Variants in TPPP observed in about 807,000 individuals in gnomAD.
The protein encoded by TPPP is tubulin polymerization-promoting protein.
Under a neutral mutation model 15.5 loss-of-function variants are expected in TPPP, and 6 were observed. The ratio of observed to expected loss-of-function variants is 0.39; its 90% confidence interval spans 0.21 to 0.77. The LOEUF (loss-of-function observed/expected upper bound fraction) is 0.77. TPPP is among the 30% of genes least tolerant of loss of function. The probability of loss-of-function intolerance (pLI) is 0.42; values close to 1 mark genes in which losing one functional copy is unlikely to be tolerated. For missense variants in TPPP, 269 were observed against 307.2 expected, an observed-to-expected ratio of 0.88 and a Z score of 0.93; for synonymous variants, 146 against 133.9, an observed-to-expected ratio of 1.09 and a Z score of -0.63.
At chr5:696,981 T>C (rs1182207551), upstream of TPPP, among the ~76,000 whole-genome samples, 5 of 146,878 alleles carry the variant, frequency 3.4e-5, no homozygotes, top group African/African-American at 1.2e-4. Context: ...TGTTTGCATG[T>C]GTGTGCATGT....
chr5:694,244 G>A (rs1321628360), upstream of TPPP, among the ~76,000 whole-genome samples: 2 of 151,750 alleles, frequency 1.3e-5, no homozygotes, highest in Non-Finnish European at 2.9e-5. Context: ...CAAGGTTCCG[G>A]GGCCGAGATG....
chr5:699,153 G>A, the TPPP span, among the ~76,000 whole-genome samples: 1 of 151,882 alleles, frequency 6.6e-6, no homozygotes, highest in South Asian at 2.1e-4. Context: ...AATTCACATG[G>A]AACCCAAAAA....
chr5:686,104 C>G (rs1222778587), intron 1 of TPPP, among the ~76,000 whole-genome samples: 1 of 152,196 alleles, frequency 6.6e-6, no homozygotes, highest in Non-Finnish European at 1.5e-5. Flanking sequence ...ACATGCCCAG[C>G]CAGTGCCCAC....
chr5:682,571 A>G (rs867002958), intron 1 of TPPP, among the ~76,000 whole-genome samples: 1 of 132,490 alleles, frequency 7.5e-6, no homozygotes, highest in Non-Finnish European at 1.6e-5. Flanking sequence ...CACTAGGGCC[A>G]GGGGTCTGCC....
At chr5:673,556 G>A (rs1026069559) in intron 2 of TPPP, among the ~76,000 whole-genome samples, 1 of 152,102 alleles carries the variant, frequency 6.6e-6, no homozygotes, top group East Asian at 1.9e-4. Context: ...TCTCCCACAC[G>A]GCGCCCACTC....
In TPPP at chr5:682,872, T is replaced by C. The variant is rs371678660; in HGVS notation, c.-4-4808A>G. 2.7e-3 allele frequency among the ~76,000 whole-genome samples: 413 copies of C among 152,316 alleles called. 1 individual carries two copies. The highest frequency in any genetic ancestry group is 7.8e-3 in the African/African-American group (325 of 41,564). On this transcript the variant is annotated intron_variant, in intron 1 of 3. Transcript: ENST00000360578. ...GCTGTGCTCACATCATCAGCAGTGC[T>C]GGGTCAAAGCTGGAGGCAGGAGCCA...
intron 1 of TPPP, among the ~76,000 whole-genome samples, chr5:683,062 CA>C (rs1740670053): frequency 6.6e-6 from 1 of 150,892 alleles, no homozygotes; most frequent in Admixed American, 6.6e-5. Context: ...TGGACCAGGC[CA>C]GGGTGTGACC....
intron 1 of TPPP, among the ~76,000 whole-genome samples, chr5:679,045 G>A (rs1740542852): frequency 6.6e-6 from 1 of 152,178 alleles, no homozygotes; most frequent in South Asian, 2.1e-4. Context: ...AGCTGAACAT[G>A]GCCTCTGCCC....
At chr5:670,276 C>T (rs1740167802) in intron 2 of TPPP, among the ~76,000 whole-genome samples, 2 of 152,144 alleles carry the variant, frequency 1.3e-5, no homozygotes, top group Admixed American at 1.3e-4. Flanking sequence ...CCCATGGTGC[C>T]CTCTCTGAGG....
chr5:663,684 G>A lies in TPPP; in HGVS notation c.*1418C>T, dbSNP rs1186184896. The A allele has an allele frequency of 1.3e-5, 2 of 152,392 alleles. No homozygotes were observed. Among genetic ancestry groups the A allele is most frequent in the Non-Finnish European group, 2.9e-5 (2 of 68,098 alleles). The allele number at this position is 152,392 out of a possible 1,614,324, so 9.4% of individuals were successfully genotyped here. ...GAGGGAGGGGCCTCGCCACCCTCCT[G>A]TACTGTGAGCCTGGCCCTGGGCAGC... On this transcript the variant is annotated 3_prime_UTR_variant, in exon 4 of 4. Coordinates refer to ENST00000360578, the MANE Select transcript of TPPP (RefSeq NM_007030.3).
chr5:700,260 C>T, the TPPP span, among the ~76,000 whole-genome samples: 3 of 151,936 alleles, frequency 2.0e-5, no homozygotes, highest in East Asian at 3.9e-4. Flanking sequence ...ACTACCCGTC[C>T]GTTAACAAAG....
chr5:699,908 C>G, the TPPP span, among the ~76,000 whole-genome samples: 8 of 151,470 alleles, frequency 5.3e-5, no homozygotes, highest in East Asian at 1.5e-3. Flanking sequence ...CCATCTTAGA[C>G]AAGTCAGAAT....
chr5:694,189 A>C (rs1273738945), upstream of TPPP, among the ~76,000 whole-genome samples: 4 of 151,430 alleles, frequency 2.6e-5, no homozygotes, highest in East Asian at 1.9e-4. Context: ...GAGGGGGCTC[A>C]TTCCGCCCGG....
upstream of TPPP, among the ~76,000 whole-genome samples, chr5:697,940 A>G (rs1741044227): frequency 6.9e-6 from 1 of 144,256 alleles, no homozygotes; most frequent in South Asian, 2.4e-4. Flanking sequence ...CCTCAACGAA[A>G]TACCAGAAAA....
rs1491440982 is a variant in TPPP, at chr5:660,201, GCA to G, written c.*4899_*4900del. 1 of 111,018 alleles carries G rather than the reference GCA, an allele frequency of 9.0e-6. No individual in the cohort carries two copies. The highest frequency in any genetic ancestry group is 1.7e-5 in the Non-Finnish European group (1 of 57,482). 6.9% of individuals were successfully genotyped at this position (111,018 alleles called of 1,614,324 possible). A position where few individuals can be genotyped will look rare whatever the true frequency, so the allele number is the denominator to read the frequency against. On this transcript the variant is annotated 3_prime_UTR_variant, in exon 4 of 4. Transcript: ENST00000360578. ...TAATCACACAGTGTAAAAATATATT[GCA>G]CATATATATATATATATATATATAT...
At chr5:685,874 A>G (rs1740752665) in intron 1 of TPPP, among the ~76,000 whole-genome samples, 2 of 152,126 alleles carry the variant, frequency 1.3e-5, no homozygotes. Context: ...AGGATTAAGG[A>G]TGACAGGGAG....
At chr5:673,515 C>T (rs1561085766) in intron 2 of TPPP, among the ~76,000 whole-genome samples, 1 of 152,158 alleles carries the variant, frequency 6.6e-6, no homozygotes, top group Non-Finnish European at 1.5e-5. Context: ...AGTCCCAGTC[C>T]TGGCCACCTG....
chr5:692,470 GC>G (rs202039921), intron 1 of TPPP: 2 of 825,072 alleles, frequency 2.4e-6, no homozygotes, highest in Non-Finnish European at 2.8e-6. Context: ...CAAAACAGCA[GC>G]CCCCCAAACC....
intron 2 of TPPP, among the ~76,000 whole-genome samples, chr5:673,808 G>T (rs1395228282): frequency 6.6e-6 from 1 of 152,218 alleles, no homozygotes; most frequent in Non-Finnish European, 1.5e-5. Context: ...AACAGGCCCA[G>T]ACCAGCTGGG....
Sources: gnomAD v4.1 joint callset for allele counts (sites outside exome capture counted in the v4.1 genomes callset) on GRCh38, gnomAD v4.1.1 for gene constraint, MANE v1.5 for transcripts, NCBI Gene and HGNC (gene_info 2026-07-23, HGNC 2026-07-21) for gene names.